TMEM132C: variants seen among roughly 807,000 people sequenced by gnomAD.
The protein encoded by TMEM132C is protein phosphatase 1, regulatory subunit 152.
A neutral mutation model predicts 61.4 loss-of-function variants in TMEM132C; 29 were observed. That is an observed-to-expected ratio of 0.47 (90% CI 0.35 to 0.64). The LOEUF is 0.64. TMEM132C is among the 30% of genes least tolerant of loss of function. The pLI is 0.00. For synonymous variants in TMEM132C, 656 were observed against 633.1 expected, an observed-to-expected ratio of 1.04 and a Z score of -0.54; for missense variants, 1,408 against 1,476.9, an observed-to-expected ratio of 0.95 and a Z score of 0.76.
At chr12:128,663,938 A>T (rs1954424671) in intron 4 of TMEM132C, among the ~76,000 whole-genome samples, 1 of 117,298 alleles carries the variant, frequency 8.5e-6, no homozygotes, top group Non-Finnish European at 1.8e-5. Flanking sequence ...GCACGCGGAC[A>T]CTCACACAGG....
chr12:128,435,954 T>C (rs564083576), intron 2 of TMEM132C, among the ~76,000 whole-genome samples: 25 of 152,254 alleles, frequency 1.6e-4, no homozygotes, highest in African/African-American at 5.8e-4. Context: ...ATCAGAGATA[T>C]AGACCAATGG....
chr12:128,406,354 G>T (rs540317270), intron 1 of TMEM132C, among the ~76,000 whole-genome samples: 1 of 152,204 alleles, frequency 6.6e-6, no homozygotes, highest in South Asian at 2.1e-4. Context: ...TGGTATTCAA[G>T]ACAGAAGGGT....
chr12:128,573,445 C>G (rs1394937187), intron 3 of TMEM132C, among the ~76,000 whole-genome samples: 1 of 151,624 alleles, frequency 6.6e-6, no homozygotes, highest in African/African-American at 2.4e-5. Flanking sequence ...CACACCGGGG[C>G]CTGTCGTGGG....
At chr12:128,365,873 C>T (rs1384326881) in intron 1 of TMEM132C, among the ~76,000 whole-genome samples, 2 of 152,098 alleles carry the variant, frequency 1.3e-5, no homozygotes, top group African/African-American at 4.8e-5. Flanking sequence ...GATTGTGTGC[C>T]GAGGAGCCCT....
intron 1 of TMEM132C, among the ~76,000 whole-genome samples, chr12:128,325,738 T>C (rs1593011782): frequency 6.6e-6 from 1 of 152,294 alleles, no homozygotes. Flanking sequence ...CTTTCACCAG[T>C]GGGCATCTGG....
intron 2 of TMEM132C, among the ~76,000 whole-genome samples, chr12:128,479,618 G>A (rs997616855): frequency 2.6e-5 from 4 of 152,212 alleles, no homozygotes; most frequent in Non-Finnish European, 5.9e-5. Context: ...ACACTCCAGT[G>A]GCAGAGTTGA....
chr12:128,387,140 C>CAAA (rs34160455), intron 1 of TMEM132C, among the ~76,000 whole-genome samples: 16,985 of 85,118 alleles, frequency 0.2, 1,707 homozygotes, highest in South Asian at 0.36. Context: ...GACTCTGCCT[C>CAAA]AAAAAAAAAA....
At chr12:128,562,561 A>C (rs1273306175) in intron 3 of TMEM132C, among the ~76,000 whole-genome samples, 1 of 152,166 alleles carries the variant, frequency 6.6e-6, no homozygotes, top group South Asian at 2.1e-4. Flanking sequence ...CTCATTCATC[A>C]TGTCTTTAAT....
At chr12:128,434,394 G>C (rs776962417) in intron 2 of TMEM132C, among the ~76,000 whole-genome samples, 1 of 151,754 alleles carries the variant, frequency 6.6e-6, no homozygotes, top group Non-Finnish European at 1.5e-5. Flanking sequence ...TCTGCCTCCC[G>C]GGTTCAAGAG....
chr12:128,622,456 A>G (rs908810862), intron 4 of TMEM132C, among the ~76,000 whole-genome samples: 3 of 145,070 alleles, frequency 2.1e-5, no homozygotes, highest in African/African-American at 7.5e-5. Context: ...GTCAAAATGG[A>G]AGGGAGCCGT....
At position 128,706,099 on chromosome 12, in the gene TMEM132C, T is replaced by A; in HGVS notation, c.3131T>A (p.Leu1044Gln). 5 of 1,551,528 alleles carry A rather than the reference T, an allele frequency of 3.2e-6. No homozygotes were observed. In the South Asian group the frequency reaches 5.9e-5, roughly 18 times the overall value. Residue 1044 changes from leucine to glutamine, a missense_variant, in exon 9 of 9, where the codon CTG becomes CAG. Transcript: ENST00000435159. Reference protein sequence around the residue: ...RQGREQKQDPLHSPTSKRKKV... With the variant: ...RQGREQKQDPQHSPTSKRKKV... ...GGCAGAGAACAGAAGCAGGACCCCC[T>A]GCACTCGCCCACCTCCAAGAGGAAG... is the stretch of plus-strand genomic sequence containing the variant.
intron 1 of TMEM132C, among the ~76,000 whole-genome samples, chr12:128,369,174 C>G (rs1240194667): frequency 6.6e-6 from 1 of 152,106 alleles, no homozygotes; most frequent in East Asian, 1.9e-4. Context: ...GTTTATTAAG[C>G]CTTCTTAAAT....
At chr12:128,697,540 C>A in intron 8 of TMEM132C, 125 bp downstream of exon 8, 1 of 975,108 alleles carries the variant, frequency 1.0e-6, no homozygotes, top group Non-Finnish European at 1.5e-6. Context: ...CAATGGAAGC[C>A]ATGTCATTGC....
Position 128,415,580 on chromosome 12 carries a change from A to C in TMEM132C, c.934A>C (p.Thr312Pro). 6.5e-7 allele frequency: 1 copy of C among 1,547,702 alleles called. No individual in the cohort carries two copies. Among genetic ancestry groups the C allele is most frequent in the Non-Finnish European group, 8.7e-7 (1 of 1,145,136 alleles). ...KQGEVVTAYV[T>P]ISSNSSVDLF... ...GGGAGAGGTGGTCACGGCCTATGTC[A>C]CCATCTCGAGCAATTCCTCTGTGGA... The change falls in exon 2 of 9, where the codon ACC becomes CCC. Residue 312 changes from threonine to proline, a missense_variant. Coordinates refer to ENST00000435159, the MANE Select transcript of TMEM132C (RefSeq NM_001136103.3). The surrounding 1 kb of genome is among the most constrained non-coding windows in gnomAD (Gnocchi z 5.8).
At chr12:128,565,221 G>C (rs1232717538) in intron 3 of TMEM132C, among the ~76,000 whole-genome samples, 1 of 152,206 alleles carries the variant, frequency 6.6e-6, no homozygotes, top group African/African-American at 2.4e-5. Context: ...ATGGTGAGCA[G>C]AATTCTCTCA....
At chr12:128,489,343 G>A (rs1429918530) in intron 2 of TMEM132C, among the ~76,000 whole-genome samples, 1 of 150,980 alleles carries the variant, frequency 6.6e-6, no homozygotes, top group South Asian at 2.1e-4. Flanking sequence ...TAGAGGAAGA[G>A]GATGGGGGAG....
At chr12:128,313,945 T>C (rs1391914945) in intron 1 of TMEM132C, among the ~76,000 whole-genome samples, 2 of 152,228 alleles carry the variant, frequency 1.3e-5, no homozygotes, top group African/African-American at 4.8e-5. Context: ...AAGAAAAACC[T>C]GCCCCTTGTT....
At chr12:128,510,506 G>A (rs934339988) in intron 2 of TMEM132C, among the ~76,000 whole-genome samples, 44 of 152,128 alleles carry the variant, frequency 2.9e-4, no homozygotes, top group Admixed American at 3.3e-4. Context: ...CACCTAGAAC[G>A]GCGGGTCTGA....
chr12:128,332,472 G>A (rs997277916), intron 1 of TMEM132C, among the ~76,000 whole-genome samples: 1 of 152,142 alleles, frequency 6.6e-6, no homozygotes, highest in Non-Finnish European at 1.5e-5. Context: ...TTCTCTCTCT[G>A]CTGTGAGCCA....
Sources: gnomAD v4.1 joint callset for allele counts (sites outside exome capture counted in the v4.1 genomes callset) on GRCh38, gnomAD v4.1.1 for gene constraint, Gnocchi (gnomAD v3.1) non-coding constraint, MANE v1.5 for transcripts, NCBI Gene and HGNC (gene_info 2026-07-23, HGNC 2026-07-21) for gene names.